The following SNTG1 variants were observed in gnomAD, a reference collection of about 807,000 sequenced individuals.
SNTG1 encodes the protein syntrophin gamma 1.
SNTG1 carries 39 observed loss-of-function variants against 74.7 expected under a neutral mutation model. That is an observed-to-expected ratio of 0.52 (90% CI 0.40 to 0.68). The LOEUF is 0.68. Among genes scored for constraint, SNTG1 ranks in the 30% least tolerant of loss-of-function variants. SNTG1 has a pLI of 0.00. For missense variants in SNTG1, 685 were observed against 609.5 expected, an observed-to-expected ratio of 1.12 and a Z score of -1.30; for synonymous variants, 254 against 217.1, an observed-to-expected ratio of 1.17 and a Z score of -1.49.
intron 2 of SNTG1, among the ~76,000 whole-genome samples, chr8:50,315,341 A>C (rs2130778833): frequency 6.7e-6 from 1 of 150,068 alleles, no homozygotes; most frequent in Non-Finnish European, 1.5e-5. Flanking sequence ...ATGAGTAACT[A>C]CTTTTAAATT....
chr8:50,559,454 TA>T (rs377652909), intron 12 of SNTG1, among the ~76,000 whole-genome samples: 49 of 151,508 alleles, frequency 3.2e-4, no homozygotes, highest in African/African-American at 8.7e-4. Context: ...CATAAAAAAA[TA>T]AAAAAAGAAA....
chr8:49,953,029 T>C (rs1809860832), intron 1 of SNTG1, among the ~76,000 whole-genome samples: 1 of 152,192 alleles, frequency 6.6e-6, no homozygotes, highest in Non-Finnish European at 1.5e-5. Context: ...TACATGAGTA[T>C]AGGGCTCTGA....
chr8:50,514,528 G>T (rs555280343), intron 9 of SNTG1, among the ~76,000 whole-genome samples: 1 of 151,958 alleles, frequency 6.6e-6, no homozygotes, highest in Non-Finnish European at 1.5e-5. Flanking sequence ...CCACTCATTT[G>T]TGTATTTTTC....
chr8:50,463,762 GC>G (rs1194232410), intron 8 of SNTG1, among the ~76,000 whole-genome samples: 3 of 152,078 alleles, frequency 2.0e-5, no homozygotes, highest in African/African-American at 7.2e-5. Flanking sequence ...AGCAGCATTG[GC>G]CCCTAATAAT....
chr8:50,203,764 CTGTGTGTGTGTGTTTCTG>C (rs1256699480), intron 2 of SNTG1, among the ~76,000 whole-genome samples: 18 of 150,186 alleles, frequency 1.2e-4, no homozygotes, highest in African/African-American at 4.4e-4. Context: ...GTGTGTGTTT[CTGTGTGTGTGTGTTTCTG>C]TGTGTGTGTG....
In SNTG1 at chr8:50,570,150, C is replaced by T. The variant is rs144047805; in HGVS notation, c.810+16971C>T. Reference sequence around the variant, plus strand: ...CAGCTGATTTTTATTTACCACAACCCAAAACATCTGCGTTGATTTCCTCTC... The same window carrying T: ...CAGCTGATTTTTATTTACCACAACCTAAAACATCTGCGTTGATTTCCTCTC... On this transcript the variant is annotated intron_variant, in intron 12 of 18. Transcript: ENST00000642720. Among the ~76,000 whole-genome samples the T allele has an allele frequency of 6.6e-5, 10 of 151,766 alleles. No homozygotes were observed. In the East Asian group the frequency reaches 1.9e-3, roughly 29 times the overall value.
At chr8:50,292,382 G>A (rs999776590) in intron 2 of SNTG1, among the ~76,000 whole-genome samples, 5 of 152,148 alleles carry the variant, frequency 3.3e-5, no homozygotes, top group African/African-American at 1.2e-4. Flanking sequence ...GTTAGAAAAT[G>A]GATGGTCAAT....
At chr8:50,563,312 T>A (rs1390374493) in intron 12 of SNTG1, among the ~76,000 whole-genome samples, 18 of 152,162 alleles carry the variant, frequency 1.2e-4, no homozygotes, top group Admixed American at 1.2e-3. Context: ...GAAACATTGC[T>A]GAGAATGTAA....
At chr8:50,092,309 C>T (rs1301979584) in intron 1 of SNTG1, among the ~76,000 whole-genome samples, 1 of 152,116 alleles carries the variant, frequency 6.6e-6, no homozygotes, top group Non-Finnish European at 1.5e-5. Context: ...CTAAATACAT[C>T]AGATTTGGGA....
At chr8:50,162,915 T>C (rs1038904351) in intron 1 of SNTG1, among the ~76,000 whole-genome samples, 19 of 152,142 alleles carry the variant, frequency 1.2e-4, no homozygotes, top group African/African-American at 4.6e-4. Context: ...GCATATTCTA[T>C]AGCAAGGCAC....
At chr8:50,521,644 G>A (rs919935343) in intron 9 of SNTG1, among the ~76,000 whole-genome samples, 16 of 152,058 alleles carry the variant, frequency 1.1e-4, no homozygotes, top group African/African-American at 3.6e-4. Context: ...CTTCTTGGGG[G>A]ATTTTACCCA....
intron 1 of SNTG1, among the ~76,000 whole-genome samples, chr8:50,130,991 C>A (rs556018879): frequency 1.6e-4 from 24 of 151,872 alleles, no homozygotes; most frequent in African/African-American, 5.6e-4. Flanking sequence ...TTAACAACAG[C>A]AAGGTATAAA....
intron 2 of SNTG1, among the ~76,000 whole-genome samples, chr8:50,233,345 T>C (rs377352594): frequency 2.2e-4 from 33 of 151,676 alleles, no homozygotes; most frequent in African/African-American, 7.5e-4. Flanking sequence ...CTGGTAACAA[T>C]TGGATATCAA....
intron 2 of SNTG1, among the ~76,000 whole-genome samples, chr8:50,361,506 T>C (rs1187454919): frequency 6.6e-6 from 1 of 152,200 alleles, no homozygotes; most frequent in East Asian, 1.9e-4. Flanking sequence ...TCAAACCTTT[T>C]GTTTGCTTGT....
intron 9 of SNTG1, among the ~76,000 whole-genome samples, chr8:50,515,389 T>G (rs1250190858): frequency 7.6e-3 from 120 of 15,748 alleles, no homozygotes; most frequent in Non-Finnish European, 9.5e-3. Flanking sequence ...CTGCAGGAGT[T>G]TTTTTTTTTT....
rs567443679 is a variant in SNTG1, at chr8:50,587,805, A to C, written c.811-3074A>C. 1.4e-4 allele frequency among the ~76,000 whole-genome samples: 21 copies of C among 150,832 alleles called. No individual in the cohort carries two copies. In the South Asian group the frequency reaches 4.4e-3, roughly 32 times the overall value. ...AGAGTGAGACTTCGTCTCAAAAAAA[A>C]AAAGAAAAGAAAAAGAAAAAAAAAT... On this transcript the variant is annotated intron_variant, in intron 12 of 18. Transcript: ENST00000642720.
intron 1 of SNTG1, among the ~76,000 whole-genome samples, chr8:49,938,607 C>CTTTTTTTTCTTTTCT (rs60669251): frequency 3.6e-5 from 1 of 27,876 alleles, no homozygotes; most frequent in Non-Finnish European, 8.3e-5. Context: ...CTTTTCTTTT[C>CTTTTTTTTCTTTTCT]TTTCTTTCTT....
chr8:50,382,526 C>A (rs1015572072), intron 2 of SNTG1, among the ~76,000 whole-genome samples: 2 of 151,986 alleles, frequency 1.3e-5, no homozygotes, highest in Non-Finnish European at 2.9e-5. Context: ...AGCAACTGAC[C>A]AACTAGGCTT....
intron 1 of SNTG1, among the ~76,000 whole-genome samples, chr8:50,096,277 A>G (rs1457731714): frequency 1.3e-5 from 2 of 152,202 alleles, no homozygotes; most frequent in Non-Finnish European, 2.9e-5. Context: ...ACGTAATACA[A>G]TTGTGGAAGA....
Sources: allele counts gnomAD v4.1 joint callset (sites outside exome capture counted in the v4.1 genomes callset), GRCh38; gene constraint gnomAD v4.1.1; transcripts MANE v1.5; gene names NCBI Gene and HGNC (gene_info 2026-07-23, HGNC 2026-07-21).